The following HLA-DRA variants were observed in gnomAD, a reference collection of about 807,000 sequenced individuals.
The protein encoded by HLA-DRA is major histocompatibility complex, class II, DR alpha.
HLA-DRA carries 8 observed loss-of-function variants against 22.1 expected under a neutral mutation model. That is an observed-to-expected ratio of 0.36 (90% CI 0.21 to 0.65). The LOEUF (loss-of-function observed/expected upper bound fraction) is 0.65, where lower values mean the gene tolerates loss of function less well. Ranked by LOEUF, HLA-DRA falls within the 30% of genes least tolerant of loss-of-function variation. The pLI is 0.63. For synonymous variants in HLA-DRA, 101 were observed against 117.1 expected (o/e 0.86, Z 0.89); for missense variants, 248 against 321.3 (o/e 0.77, Z 1.74).
In HLA-DRA at chr6:32,442,509, G is replaced by A; in HGVS notation, c.144G>A (p.Met48Ile). 6.2e-7 allele frequency: 1 copy of A among 1,613,058 alleles called. No individual in the cohort carries two copies. The highest frequency in any genetic ancestry group is 8.5e-7 in the Non-Finnish European group (1 of 1,180,028). Residue 48 changes from methionine to isoleucine, a missense_variant, in exon 2 of 5, where the codon ATG becomes ATA. Met to Ile is a conservative substitution (Grantham distance 10). Transcript: ENST00000395388. Reference protein sequence around the residue: ...YLNPDQSGEFMFDFDGDEIFH... With the variant: ...YLNPDQSGEFIFDFDGDEIFH... ...ATCCTGACCAATCAGGCGAGTTTAT[G>A]TTTGACTTTGATGGTGATGAGATTT...
intron 1 of HLA-DRA, among the ~76,000 whole-genome samples, chr6:32,440,923 C>G (rs550478110): frequency 1.3e-5 from 2 of 152,252 alleles, no homozygotes; most frequent in South Asian, 4.1e-4. Flanking sequence ...CCCAAAAGAG[C>G]CATACATAGG....
chr6:32,439,906 C>T lies in HLA-DRA; in HGVS notation c.-45C>T. On this transcript the variant is annotated 5_prime_UTR_variant, in exon 1 of 5. Transcript: ENST00000395388. ...TCTTTTATTCTTGTCTGTTCTGCCT[C>T]ACTCCCGAGCTCTACTGACTCCCAA... 1 of 1,444,096 alleles carries T rather than the reference C, an allele frequency of 6.9e-7. No individual in the cohort carries two copies. Among genetic ancestry groups the T allele is most frequent in the Non-Finnish European group, 9.8e-7 (1 of 1,024,972 alleles). The allele number at this position is 1,444,096 out of a possible 1,614,324, so 89.5% of individuals were successfully genotyped here. A position where few individuals can be genotyped will look rare whatever the true frequency, so the allele number is the denominator to read the frequency against.
chr6:32,442,403 T>G, intron 1 of HLA-DRA, 45 bp from the exon 2 acceptor site: 1 of 1,610,434 alleles, frequency 6.2e-7, no homozygotes, highest in Non-Finnish European at 8.5e-7. Flanking sequence ...TTCCCTCTCT[T>G]GATTCCCCCC....
At chr6:32,440,222 T>G (rs1430660383) in intron 1 of HLA-DRA, among the ~76,000 whole-genome samples, 190 bp downstream of exon 1, 1 of 149,872 alleles carries the variant, frequency 6.7e-6, no homozygotes, top group Non-Finnish European at 1.5e-5. Flanking sequence ...GTAAGTCAAA[T>G]TTGGTTTAGA....
intron 1 of HLA-DRA, 78 bp from the exon 2 acceptor site, chr6:32,442,370 C>T: frequency 3.2e-6 from 5 of 1,541,026 alleles, no homozygotes; most frequent in Non-Finnish European, 4.5e-6. Context: ...TACTTCCTGC[C>T]TACATGTATG....
chr6:32,441,824 C>T (rs1335019309), intron 1 of HLA-DRA, among the ~76,000 whole-genome samples: 3 of 152,140 alleles, frequency 2.0e-5, no homozygotes, highest in South Asian at 2.1e-4. Flanking sequence ...AATTACTCAC[C>T]TTATCTCATT....
At chr6:32,440,074 A>C (rs1762519391) in intron 1 of HLA-DRA, 42 bp downstream of exon 1, 1 of 1,513,302 alleles carries the variant, frequency 6.6e-7, no homozygotes, top group East Asian at 2.3e-5. Context: ...TAGACTACGA[A>C]GCATTGGAGA....
chr6:32,444,491 T>C (rs1223036534), intron 4 of HLA-DRA, among the ~76,000 whole-genome samples, 161 bp from the exon 5 acceptor site: 1 of 96,708 alleles, frequency 1.0e-5, no homozygotes, highest in Non-Finnish European at 2.2e-5. Flanking sequence ...TTATGTTCAG[T>C]TGGAGAGTAG....
chr6:32,442,399 C>A (rs1033784982), intron 1 of HLA-DRA, 49 bp from the exon 2 acceptor site: 21 of 1,608,760 alleles, frequency 1.3e-5, no homozygotes, highest in Non-Finnish European at 1.8e-5. Context: ...TCATTTCCCT[C>A]TCTTGATTCC....
chr6:32,441,870 C>A (rs180846627), intron 1 of HLA-DRA, among the ~76,000 whole-genome samples: 1 of 152,242 alleles, frequency 6.6e-6, no homozygotes. Flanking sequence ...GGATCAAAAC[C>A]ACAGCAGGGC....
intron 1 of HLA-DRA, among the ~76,000 whole-genome samples, chr6:32,440,808 TC>T (rs1477574087): frequency 6.6e-6 from 1 of 152,222 alleles, no homozygotes; most frequent in Non-Finnish European, 1.5e-5. Flanking sequence ...AGAAAAGTAT[TC>T]TTCACCCAGC....
intron 3 of HLA-DRA, 145 bp downstream of exon 3, chr6:32,443,611 T>A: frequency 8.9e-7 from 1 of 1,127,544 alleles, no homozygotes; most frequent in South Asian, 1.5e-5. Context: ...CTTTTTTTAA[T>A]CTGTAATTCT....
At chr6:32,443,700 T>C in intron 3 of HLA-DRA, 56 bp from the exon 4 acceptor site, 1 of 1,454,756 alleles carries the variant, frequency 6.9e-7, no homozygotes, top group Non-Finnish European at 9.3e-7. Context: ...CATTTGATTC[T>C]GAGTGTTACT....
chr6:32,443,657 TATGA>T, intron 3 of HLA-DRA, 95 bp from the exon 4 acceptor site: 1 of 1,267,186 alleles, frequency 7.9e-7, no homozygotes, highest in Non-Finnish European at 1.1e-6. Context: ...TTCTTTAATC[TATGA>T]ATAACTTTTC....
Position 32,440,014 on chromosome 6 carries a change from G to A in HLA-DRA, c.64G>A (p.Glu22Lys). 6.2e-7 allele frequency: 1 copy of A among 1,614,002 alleles called. No individual in the cohort carries two copies. Among genetic ancestry groups the A allele is most frequent in the Non-Finnish European group, 8.5e-7 (1 of 1,179,926 alleles). Residue 22 changes from glutamate to lysine, a missense_variant, in exon 1 of 5, where the codon GAA (glutamate) becomes AAA (lysine). Transcript: ENST00000395388. Reference protein sequence around the residue: ...FIIAVLMSAQESWAIKEEHVI... With the variant: ...FIIAVLMSAQKSWAIKEEHVI... ...CATAGCTGTGCTGATGAGCGCTCAG[G>A]AATCATGGGCTATCAAAGGTAGGTG...
rs552421989 is a variant in HLA-DRA at position 32,443,894 on chromosome 6, G to A, written c.749G>A (p.Arg250His). 9.4e-6 allele frequency: 15 copies of A among 1,602,204 alleles called. No individual in the cohort carries two copies. Among genetic ancestry groups the A allele is most frequent in the South Asian group, 9.0e-5 (8 of 88,472 alleles). ...KGLRKSNAAE[R>H]RGPL ...TTGCGCAAAAGCAATGCAGCAGAAC[G>A]CAGGGGGCCTCTGTAAGGCACATGG... The change falls in exon 4 of 5, where the codon CGC becomes CAC. Residue 250 changes from arginine (R) to histidine (H), a missense_variant. By Grantham distance (29) the Arg-to-His change is conservative. Coordinates refer to ENST00000395388, the MANE Select transcript of HLA-DRA (RefSeq NM_019111.5).
In HLA-DRA at chr6:32,443,925, A is replaced by C. The variant is rs755226372; in HGVS notation, c.*11+4A>C. The C allele has an allele frequency of 3.8e-6, 6 of 1,571,210 alleles. No individual in the cohort carries two copies. The highest frequency in any genetic ancestry group is 5.2e-6 in the Non-Finnish European group (6 of 1,160,472). On this transcript the variant is annotated splice_donor_region_variant and intron_variant, in intron 4 of 4. Coordinates refer to ENST00000395388, the MANE Select transcript of HLA-DRA (RefSeq NM_019111.5). ...GGCCTCTGTAAGGCACATGGAGGTG[A>C]GTTAGGTGTGGTCAGAGGAAGACGT...
Position 32,443,348 on chromosome 6 carries a change from C to T in HLA-DRA, c.492C>T (p.Pro164=). 3 of 1,612,910 alleles carry T rather than the reference C, an allele frequency of 1.9e-6. No individual in the cohort carries two copies. The highest frequency in any genetic ancestry group is 2.5e-6 in the Non-Finnish European group (3 of 1,179,878). Residue 164 remains proline (P), a synonymous_variant, in exon 3 of 5, where the codon CCC becomes CCT. Coordinates refer to ENST00000395388, the MANE Select transcript of HLA-DRA (RefSeq NM_019111.5). ...GAGTGTCAGAGACAGTCTTCCTGCCCAGGGAAGACCACCTTTTCCGCAAGT... is the reference window on the plus strand; with the variant it reads ...GAGTGTCAGAGACAGTCTTCCTGCCTAGGGAAGACCACCTTTTCCGCAAGT... ...TTGVSETVFL[P]REDHLFRKFH...
chr6:32,443,086 T>G, intron 2 of HLA-DRA, 99 bp from the exon 3 acceptor site: 2 of 1,099,532 alleles, frequency 1.8e-6, no homozygotes, highest in Non-Finnish European at 2.7e-6. Flanking sequence ...AGCTTTAGGG[T>G]TTTTAGATAC....
Sources: gnomAD v4.1 joint callset for allele counts (sites outside exome capture counted in the v4.1 genomes callset) on GRCh38, gnomAD v4.1.1 for gene constraint, MANE v1.5 for transcripts, NCBI Gene and HGNC (gene_info 2026-07-23, HGNC 2026-07-21) for gene names.